PNPLA1: variants seen among roughly 807,000 people sequenced by gnomAD.
PNPLA1 encodes the protein omega-hydroxyceramide transacylase.
Under a neutral mutation model 51.7 loss-of-function variants are expected in PNPLA1, and 36 were observed. The ratio of observed to expected loss-of-function variants is 0.70; its 90% CI spans 0.53 to 0.92. PNPLA1 has a LOEUF of 0.92. Ranked by LOEUF, PNPLA1 falls within the 40% of genes least tolerant of loss-of-function variation. PNPLA1 has a pLI of 0.00. For synonymous variants in PNPLA1, 293 were observed against 280.1 expected (o/e 1.05, Z -0.46); for missense variants, 658 against 682.5 (o/e 0.96, Z 0.40).
chr6:36,312,508 TC>T lies in PNPLA1; in HGVS notation c.*626del, dbSNP rs1330528199. ...AAGGTGTATGAACCTGTAAGGGTGATCCCCGGTGGAACTAAGGTTAGGGAAG... is the reference window on the plus strand; with the variant it reads ...AAGGTGTATGAACCTGTAAGGGTGATCCCGGTGGAACTAAGGTTAGGGAAG... On this transcript the variant is annotated 3_prime_UTR_variant, in exon 9 of 9. Coordinates refer to ENST00000636260, the MANE Select transcript of PNPLA1 (RefSeq NM_001374623.1). Among the ~76,000 whole-genome samples, 1 of 152,052 alleles carries T rather than the reference TC, an allele frequency of 6.6e-6. No homozygotes were observed. The highest frequency in any genetic ancestry group is 1.5e-5 in the Non-Finnish European group (1 of 68,004).
At chr6:36,291,142 T>A (rs1770662939) in intron 1 of PNPLA1, among the ~76,000 whole-genome samples, 178 bp from the exon 2 acceptor site, 1 of 152,206 alleles carries the variant, frequency 6.6e-6, no homozygotes, top group Non-Finnish European at 1.5e-5. Flanking sequence ...TTCCTCAATA[T>A]CTTGCTTCCG....
intron 4 of PNPLA1, 53 bp from the exon 5 acceptor site, chr6:36,295,311 G>T: frequency 6.3e-7 from 1 of 1,592,026 alleles, no homozygotes; most frequent in African/African-American, 1.3e-5. Context: ...GGGGAACTGT[G>T]GCTCCCTTCC....
chr6:36,285,049 G>A (rs992691239), intron 1 of PNPLA1, among the ~76,000 whole-genome samples: 12 of 152,172 alleles, frequency 7.9e-5, no homozygotes, highest in African/African-American at 2.4e-4. Context: ...GAGATAATAG[G>A]TGGGAAAGCC....
intron 5 of PNPLA1, among the ~76,000 whole-genome samples, chr6:36,300,213 G>GAGAGAGAGAGAGAGAC: frequency 6.8e-6 from 1 of 146,812 alleles, no homozygotes; most frequent in East Asian, 2.0e-4. Context: ...GAGAGAGAGA[G>GAGAGAGAGAGAGAGAC]AGACAGAGTC....
intron 1 of PNPLA1, among the ~76,000 whole-genome samples, chr6:36,250,992 G>C (rs1254785838): frequency 6.6e-6 from 1 of 152,162 alleles, no homozygotes; most frequent in African/African-American, 2.4e-5. Context: ...GTGAGCCACA[G>C]CGCCCGGCCT....
chr6:36,277,058 T>C (rs940931042), intron 1 of PNPLA1, among the ~76,000 whole-genome samples: 2 of 152,066 alleles, frequency 1.3e-5, no homozygotes, highest in African/African-American at 4.8e-5. Flanking sequence ...ATGTGAGAAG[T>C]TGGACAGGTA....
At chr6:36,278,407 C>T (rs189645629) in intron 1 of PNPLA1, among the ~76,000 whole-genome samples, 26 of 152,282 alleles carry the variant, frequency 1.7e-4, no homozygotes, top group African/African-American at 5.1e-4. Flanking sequence ...TGAGATATAA[C>T]GCTAGAATGT....
At chr6:36,265,981 T>C (rs1769750249), upstream of PNPLA1, among the ~76,000 whole-genome samples, 1 of 152,160 alleles carries the variant, frequency 6.6e-6, no homozygotes, top group Non-Finnish European at 1.5e-5. Flanking sequence ...GCTCACACAC[T>C]CTCCTTCCCT....
intron 5 of PNPLA1, among the ~76,000 whole-genome samples, 153 bp downstream of exon 5, chr6:36,295,577 C>A (rs181777329): frequency 6.6e-6 from 1 of 152,176 alleles, no homozygotes; most frequent in African/African-American, 2.4e-5. Flanking sequence ...GGGGACCTAA[C>A]AGGCTGCATC....
chr6:36,250,724 G>A (rs1769402102), intron 1 of PNPLA1, among the ~76,000 whole-genome samples: 1 of 152,166 alleles, frequency 6.6e-6, no homozygotes, highest in Non-Finnish European at 1.5e-5. Flanking sequence ...TAGGCTGGGT[G>A]TGGTGGCTCA....
At chr6:36,268,493 C>T (rs1769815004), upstream of PNPLA1, among the ~76,000 whole-genome samples, 1 of 152,138 alleles carries the variant, frequency 6.6e-6, no homozygotes, top group East Asian at 1.9e-4. Context: ...GGTCCCATTA[C>T]ACCCCTTCCC....
At chr6:36,283,707 T>C (rs1770390145) in intron 1 of PNPLA1, among the ~76,000 whole-genome samples, 1 of 152,232 alleles carries the variant, frequency 6.6e-6, no homozygotes, top group Non-Finnish European at 1.5e-5. Context: ...TATGCATCCA[T>C]GTGGGAACAC....
At chr6:36,249,109 C>G (rs1240983866) in intron 1 of PNPLA1, among the ~76,000 whole-genome samples, 1 of 152,154 alleles carries the variant, frequency 6.6e-6, no homozygotes, top group East Asian at 1.9e-4. Flanking sequence ...GTGGTATAAC[C>G]TGCATACTTT....
chr6:36,291,326 A>G lies in PNPLA1; in HGVS notation c.212A>G (p.Tyr71Cys), dbSNP rs774647520. The G allele has an allele frequency of 6.2e-7, 1 of 1,613,914 alleles. No homozygotes were observed. The highest frequency in any genetic ancestry group is 1.1e-5 in the South Asian group (1 of 91,046). Reference protein sequence around the residue: ...LAICGIEMDEYLRVLNVGVAE... With the variant: ...LAICGIEMDECLRVLNVGVAE... ...TTCTCTGCTTCCTTTGCAGATGAGT[A>G]TCTCAGAGTCCTCAACGTGGGTGTG... The change falls in exon 2 of 9, where the codon TAT (tyrosine) becomes TGT (cysteine). Residue 71 changes from tyrosine (Y) to cysteine (C), a missense_variant. By Grantham distance (194) the Tyr-to-Cys change is radical. Transcript: ENST00000636260.
At position 36,294,147 on chromosome 6, in the gene PNPLA1, G is replaced by T. The variant is rs377758686; in HGVS notation, c.505-43G>T. 8 of 1,607,264 alleles carry T rather than the reference G, an allele frequency of 5.0e-6. No homozygotes were observed. Among genetic ancestry groups the T allele is most frequent in the Non-Finnish European group, 6.8e-6 (8 of 1,175,322 alleles). On this transcript the variant is annotated intron_variant, in intron 3 of 8. Coordinates refer to ENST00000636260, the MANE Select transcript of PNPLA1 (RefSeq NM_001374623.1). The surrounding 1 kb of genome is among the most constrained non-coding windows in gnomAD (Gnocchi z 4.2). ...TTCGATGTACCCCGAGTGGGGCTGAGAACTCTGGCCCCAAGTGGGCATTTC... is the reference window on the plus strand; with the variant it reads ...TTCGATGTACCCCGAGTGGGGCTGATAACTCTGGCCCCAAGTGGGCATTTC...
At chr6:36,251,415 A>G (rs1462675745) in intron 1 of PNPLA1, among the ~76,000 whole-genome samples, 1 of 152,210 alleles carries the variant, frequency 6.6e-6, no homozygotes, top group Non-Finnish European at 1.5e-5. Flanking sequence ...CATCCTGCAC[A>G]AAGGATGATT....
chr6:36,311,552 C>T (rs1167905636), intron 8 of PNPLA1, among the ~76,000 whole-genome samples: 4 of 152,242 alleles, frequency 2.6e-5, no homozygotes, highest in Admixed American at 6.5e-5. Flanking sequence ...TTGAAAATTA[C>T]GGAGATTTTA....
At chr6:36,297,415 C>T (rs1402650004) in intron 5 of PNPLA1, among the ~76,000 whole-genome samples, 1 of 152,136 alleles carries the variant, frequency 6.6e-6, no homozygotes, top group African/African-American at 2.4e-5. Context: ...CACTCTTATC[C>T]CCACCTGCCA....
chr6:36,290,889 C>G lies in PNPLA1; in HGVS notation c.206-431C>G, dbSNP rs549982077. On this transcript the variant is annotated intron_variant, in intron 1 of 8. Coordinates refer to ENST00000636260, the MANE Select transcript of PNPLA1 (RefSeq NM_001374623.1). ...ATCCCAGGGCGTCACTTAGGAACAA[C>G]TTCCAACTGCACCAGTGTTTTAATA... Among the ~76,000 whole-genome samples, 4 of 152,334 alleles carry G rather than the reference C, an allele frequency of 2.6e-5. No individual in the cohort carries two copies. In the South Asian group the frequency reaches 8.3e-4, roughly 32 times the overall value.
Sources: allele counts gnomAD v4.1 joint callset (sites outside exome capture counted in the v4.1 genomes callset), GRCh38; gene constraint gnomAD v4.1.1; non-coding constraint Gnocchi (gnomAD v3.1); transcripts MANE v1.5; gene names NCBI Gene and HGNC (gene_info 2026-07-23, HGNC 2026-07-21).